Variants in SEC13 observed in about 807,000 individuals in gnomAD.
SEC13 encodes the protein SEC13 homolog, nuclear pore and COPII component.
SEC13 carries 25 observed loss-of-function variants against 49.2 expected under a neutral mutation model. That is an observed-to-expected ratio of 0.51 (90% CI 0.37 to 0.71). SEC13 has a LOEUF of 0.71. SEC13 is among the 30% of genes least tolerant of loss of function. SEC13 has a pLI of 0.00. For missense variants in SEC13, 383 were observed against 417.6 expected (o/e 0.92, Z 0.72); for synonymous variants, 148 against 163.9 (o/e 0.90, Z 0.74).
intron 5 of SEC13, among the ~76,000 whole-genome samples, chr3:10,306,473 T>C (rs1237437210): frequency 6.6e-6 from 1 of 152,224 alleles, no homozygotes; most frequent in East Asian, 1.9e-4. Context: ...AGGCCTCTCT[T>C]AATTCACTGG....
At position 10,306,687 on chromosome 3, in the gene SEC13, CAG is replaced by C. The variant is rs928191494; in HGVS notation, c.451-997_451-996del. On this transcript the variant is annotated intron_variant, in intron 5 of 8. Transcript: ENST00000350697. Reference sequence around the variant, plus strand: ...GACCTGGTAGGAGGTAATTGTATCACAGGGGCAAGTCTTTCCCATGCTGTTCT... The same window carrying C: ...GACCTGGTAGGAGGTAATTGTATCACGGGCAAGTCTTTCCCATGCTGTTCT... Among the ~76,000 whole-genome samples, 18 of 152,174 alleles carry C rather than the reference CAG, an allele frequency of 1.2e-4. 1 individual carries two copies. Among genetic ancestry groups the C allele is most frequent in the Admixed American group, 9.8e-4 (15 of 15,284 alleles).
rs1481122899 is a variant in SEC13 at position 10,317,764 on chromosome 3, G to C, written c.48+286C>G. Among the ~76,000 whole-genome samples the C allele has an allele frequency of 2.6e-4, 40 of 152,148 alleles. 1 individual carries two copies. The highest frequency in any genetic ancestry group is 3.9e-4 in the Admixed American group (6 of 15,286). Reference sequence around the variant, plus strand: ...CCGTACCCACTCAGCCTTCATCCGAGAGCAGGTTATTGTATTGGCTGGAAG... The same window carrying C: ...CCGTACCCACTCAGCCTTCATCCGACAGCAGGTTATTGTATTGGCTGGAAG... On this transcript the variant is annotated intron_variant, in intron 2 of 8. Transcript: ENST00000350697.
chr3:10,302,186 C>T (rs896487816), intron 8 of SEC13, among the ~76,000 whole-genome samples: 4 of 152,184 alleles, frequency 2.6e-5, no homozygotes, highest in South Asian at 4.2e-4. Context: ...TGCAGTGAGC[C>T]GAGACTGCGC....
intron 2 of SEC13, among the ~76,000 whole-genome samples, chr3:10,316,310 G>T (rs1701601041): frequency 6.6e-6 from 1 of 152,146 alleles, no homozygotes; most frequent in South Asian, 2.1e-4. Flanking sequence ...AGGACTATCA[G>T]CTGCACTCCC....
rs759598516 is a variant in SEC13, at chr3:10,318,004, A to T, written c.48+46T>A. 2.3e-5 allele frequency: 31 copies of T among 1,352,080 alleles called. No homozygotes were observed. The South Asian group carries it at 3.7e-4, about 16-fold the overall frequency. The allele number at this position is 1,352,080 out of a possible 1,614,324, so 83.8% of individuals were successfully genotyped here. ...CCCAAATTGCTTCCCTCCCACAAAA[A>T]TGCCCATGTCCACACCCCTCCAGGG... On this transcript the variant is annotated intron_variant, in intron 2 of 8. Transcript: ENST00000350697.
chr3:10,320,904 G>A (rs1166175442), intron 1 of SEC13, 146 bp downstream of exon 1: 1 of 1,457,028 alleles, frequency 6.9e-7, no homozygotes, highest in Admixed American at 2.7e-5. Context: ...CCGCAAGGAC[G>A]GGGCCAGAGC....
At chr3:10,311,309 G>A (rs188887185) in intron 5 of SEC13, among the ~76,000 whole-genome samples, 3 of 152,302 alleles carry the variant, frequency 2.0e-5, no homozygotes, top group African/African-American at 7.2e-5. Flanking sequence ...GAACTGGAAT[G>A]AGTAGATTAG....
chr3:10,311,572 C>CTTGT, intron 5 of SEC13: 7 of 911,892 alleles, frequency 7.7e-6, no homozygotes, highest in Non-Finnish European at 9.2e-6. Flanking sequence ...AAAGAATGAC[C>CTTGT]TTGTTTATAT....
intron 5 of SEC13, 116 bp from the exon 6 acceptor site, chr3:10,305,808 G>A: frequency 9.0e-7 from 1 of 1,108,430 alleles, no homozygotes; most frequent in South Asian, 1.5e-5. Flanking sequence ...TGTGAAGGCT[G>A]ACATGAAGCA....
chr3:10,316,161 GC>G (rs1701591130), intron 2 of SEC13, among the ~76,000 whole-genome samples: 1 of 151,982 alleles, frequency 6.6e-6, no homozygotes, highest in South Asian at 2.1e-4. Context: ...GCCCCTACCT[GC>G]AGATCCTTGT....
At chr3:10,304,542 A>T (rs1342561909) in intron 7 of SEC13, among the ~76,000 whole-genome samples, 1 of 152,216 alleles carries the variant, frequency 6.6e-6, no homozygotes, top group African/African-American at 2.4e-5. Context: ...CAAGTAAAAA[A>T]GCACAAAAAT....
chr3:10,306,716 A>G (rs1008922549), intron 5 of SEC13, among the ~76,000 whole-genome samples: 2 of 152,172 alleles, frequency 1.3e-5, no homozygotes, highest in African/African-American at 4.8e-5. Context: ...TGCTGTTCTC[A>G]TGATAGTGAA....
Position 10,301,310 on chromosome 3 carries a change from T to C in SEC13, c.920A>G (p.Gln307Arg). The C allele has an allele frequency of 6.2e-7, 1 of 1,614,142 alleles. No homozygotes were observed. The highest frequency in any genetic ancestry group is 8.5e-7 in the Non-Finnish European group (1 of 1,180,024). ...WVCISDVNKGQGSVSASVTEG... is the reference protein window; with the variant it reads ...WVCISDVNKGRGSVSASVTEG... ...TGTCACTGATGCTGATACGGAGCCCTGGCCCTTGTTGACATCACTGATGCA... is the reference window on the plus strand; with the variant it reads ...TGTCACTGATGCTGATACGGAGCCCCGGCCCTTGTTGACATCACTGATGCA... Residue 307 changes from glutamine to arginine, a missense_variant, in exon 9 of 9, where the codon CAG becomes CGG. Gln to Arg is a conservative substitution (Grantham distance 43). Transcript: ENST00000350697.
chr3:10,312,143 G>A (rs1011153876), intron 4 of SEC13, 45 bp from the exon 5 acceptor site: 17 of 1,543,858 alleles, frequency 1.1e-5, no homozygotes, highest in African/African-American at 1.1e-4. Flanking sequence ...GGGAGACCGC[G>A]GCCCCAGGTC....
intron 2 of SEC13, 145 bp downstream of exon 2, chr3:10,317,905 T>G: frequency 1.7e-6 from 1 of 587,936 alleles, no homozygotes; most frequent in Non-Finnish European, 3.1e-6. Flanking sequence ...TACCCCGAGA[T>G]TACAGGCTGA....
intron 2 of SEC13, among the ~76,000 whole-genome samples, chr3:10,316,024 T>G (rs1701582556): frequency 6.6e-6 from 1 of 152,178 alleles, no homozygotes; most frequent in South Asian, 2.1e-4. Context: ...CTCGACCTTT[T>G]CCCTAGTAGT....
chr3:10,305,717 C>T (rs759664916), intron 5 of SEC13, 25 bp from the exon 6 acceptor site: 2 of 1,613,364 alleles, frequency 1.2e-6, no homozygotes, highest in Admixed American at 1.7e-5. Flanking sequence ...CACATGGTGA[C>T]TCTGCCTTGC....
intron 2 of SEC13, among the ~76,000 whole-genome samples, chr3:10,317,248 G>A (rs1040298978): frequency 6.6e-6 from 1 of 152,144 alleles, no homozygotes. Context: ...AGGAGGTGTG[G>A]TCTTACAGCT....
rs950993009 is a variant in SEC13, at chr3:10,321,047, C to T, written c.3+3G>A. On this transcript the variant is annotated splice_donor_region_variant and intron_variant, in intron 1 of 8. Coordinates refer to ENST00000350697, the MANE Select transcript of SEC13 (RefSeq NM_183352.3). This position sits in a 1 kb window ranked among gnomAD's most constrained non-coding sequence, Gnocchi z 4.1. ...GCTAGGCCTCCTCAGTACCAACACT[C>T]ACCATGATTGCGGCGGTGGCTGCTC... The T allele has an allele frequency of 6.2e-7, 1 of 1,613,292 alleles. No homozygotes were observed. The highest frequency in any genetic ancestry group is 8.5e-7 in the Non-Finnish European group (1 of 1,179,720).
Sources: allele counts gnomAD v4.1 joint callset (sites outside exome capture counted in the v4.1 genomes callset), GRCh38; gene constraint gnomAD v4.1.1; non-coding constraint Gnocchi (gnomAD v3.1); transcripts MANE v1.5; gene names NCBI Gene and HGNC (gene_info 2026-07-23, HGNC 2026-07-21).